NAALAD2: variants seen among roughly 807,000 people sequenced by gnomAD.
The protein encoded by NAALAD2 is N-acetylated-alpha-linked acidic dipeptidase 2.
NAALAD2 carries 89 observed loss-of-function variants against 95.6 expected under a neutral mutation model. The ratio of observed to expected loss-of-function variants is 0.93; its 90% CI spans 0.78 to 1.11. The LOEUF is 1.11. Among genes scored for constraint, NAALAD2 ranks in the 50% least tolerant of loss-of-function variants. The pLI, the probability that NAALAD2 is intolerant of heterozygous loss-of-function variation, is 0.00. For synonymous variants in NAALAD2, 264 were observed against 294.4 expected (o/e 0.90, Z 1.06); for missense variants, 894 against 872.4 (o/e 1.02, Z -0.31).
intron 18 of NAALAD2, among the ~76,000 whole-genome samples, chr11:90,190,744 T>C (rs1250930791): frequency 1.3e-5 from 2 of 152,138 alleles, no homozygotes; most frequent in Non-Finnish European, 2.9e-5. Context: ...CTTTGGTAAA[T>C]CTGAATGATG....
chr11:90,147,433 T>A lies in NAALAD2; in HGVS notation c.298T>A (p.Leu100Met). ...GAAATTTGGACTAGATTCAGCCAAG[T>A]TGGTTCATTATGATGTCCTCTTATC... Reference protein sequence around the residue: ...WKKFGLDSAKLVHYDVLLSYP... With the variant: ...WKKFGLDSAKMVHYDVLLSYP... The change falls in exon 3 of 19, where the codon TTG (leucine) becomes ATG (methionine). Residue 100 changes from leucine to methionine, a missense_variant. Transcript: ENST00000534061. 6.2e-7 allele frequency: 1 copy of A among 1,614,046 alleles called. No individual in the cohort carries two copies. The highest frequency in any genetic ancestry group is 1.3e-5 in the African/African-American group (1 of 75,036).
intron 6 of NAALAD2, among the ~76,000 whole-genome samples, chr11:90,155,713 T>C (rs550174337): frequency 2.2e-5 from 1 of 46,034 alleles, no homozygotes; most frequent in East Asian, 6.0e-4. Context: ...ATTATTATTG[T>C]ATGTATGTAA....
intron 5 of NAALAD2, among the ~76,000 whole-genome samples, chr11:90,151,472 T>G (rs1160416679): frequency 2.6e-5 from 4 of 152,184 alleles, no homozygotes; most frequent in Non-Finnish European, 1.5e-5. Context: ...GTGAACATCT[T>G]TGTCCATATA....
chr11:90,151,816 C>T (rs1414607645), intron 5 of NAALAD2, among the ~76,000 whole-genome samples: 1 of 152,092 alleles, frequency 6.6e-6, no homozygotes, highest in Non-Finnish European at 1.5e-5. Context: ...AATATGACTG[C>T]TCTGCATACA....
chr11:90,150,776 A>G (rs987021890), intron 5 of NAALAD2, among the ~76,000 whole-genome samples, 169 bp downstream of exon 5: 1 of 151,704 alleles, frequency 6.6e-6, no homozygotes, highest in Non-Finnish European at 1.5e-5. Flanking sequence ...GTTTTCTTAC[A>G]TACCTGGAAA....
chr11:90,174,039 G>T (rs1952714853), intron 14 of NAALAD2, 124 bp downstream of exon 14: 2 of 755,822 alleles, frequency 2.6e-6, no homozygotes, highest in Non-Finnish European at 4.4e-6. Flanking sequence ...AAAAGATAAT[G>T]AAGAATTCCT....
intron 6 of NAALAD2, among the ~76,000 whole-genome samples, chr11:90,154,233 C>A (rs1423317061): frequency 2.6e-5 from 4 of 151,908 alleles, no homozygotes; most frequent in African/African-American, 9.7e-5. Flanking sequence ...TCTGTTCCAA[C>A]AGGGAAAGTA....
At chr11:90,155,578 T>G (rs1449683094) in intron 6 of NAALAD2, among the ~76,000 whole-genome samples, 1 of 83,398 alleles carries the variant, frequency 1.2e-5, no homozygotes, top group Non-Finnish European at 2.0e-5. Flanking sequence ...ATATATAATA[T>G]ATATGTAATA....
chr11:90,150,632 A>G lies in NAALAD2; in HGVS notation c.609+25A>G, dbSNP rs200275031. On this transcript the variant is annotated intron_variant, in intron 5 of 18. Coordinates refer to ENST00000534061, the MANE Select transcript of NAALAD2 (RefSeq NM_005467.4). Reference sequence around the variant, plus strand: ...AGTACAGTATTATTTGTTTTTCTACAGAGAATGAGAGGATATATATATTCT... The same window carrying G: ...AGTACAGTATTATTTGTTTTTCTACGGAGAATGAGAGGATATATATATTCT... 475 of 1,554,760 alleles carry G rather than the reference A, an allele frequency of 3.1e-4. 2 individuals carry two copies. In the African/African-American group the frequency reaches 6.1e-3, roughly 20 times the overall value.
At chr11:90,155,103 A>G (rs940396220) in intron 6 of NAALAD2, among the ~76,000 whole-genome samples, 1 of 121,830 alleles carries the variant, frequency 8.2e-6, no homozygotes, top group Non-Finnish European at 1.5e-5. Context: ...ATACGTATAC[A>G]TATGTATATA....
chr11:90,156,827 C>T lies in NAALAD2; in HGVS notation c.797-1318C>T, dbSNP rs182381962. Among the ~76,000 whole-genome samples, 370 of 152,170 alleles carry T rather than the reference C, an allele frequency of 2.4e-3. 1 individual carries two copies. Among genetic ancestry groups the T allele is most frequent in the Non-Finnish European group, 3.1e-3 (213 of 67,992 alleles). Reference sequence around the variant, plus strand: ...TGAGTGTTTTTATTTTTATTTGGTTCCAAATACTTTCTGATTTCCCTTTTC... The same window carrying T: ...TGAGTGTTTTTATTTTTATTTGGTTTCAAATACTTTCTGATTTCCCTTTTC... On this transcript the variant is annotated intron_variant, in intron 6 of 18. Transcript: ENST00000534061.
intron 6 of NAALAD2, 63 bp from the exon 7 acceptor site, chr11:90,158,082 T>C: frequency 2.5e-6 from 3 of 1,221,114 alleles, no homozygotes; most frequent in Non-Finnish European, 3.6e-6. Flanking sequence ...ATGCAAAAAA[T>C]CCCTGTATAT....
intron 18 of NAALAD2, among the ~76,000 whole-genome samples, chr11:90,187,242 A>G (rs1305382727): frequency 6.6e-6 from 1 of 151,432 alleles, no homozygotes; most frequent in Non-Finnish European, 1.5e-5. Context: ...AACTAGTTCA[A>G]CCATTGTGGA....
chr11:90,182,406 A>G (rs1953000193), intron 17 of NAALAD2, among the ~76,000 whole-genome samples: 1 of 152,124 alleles, frequency 6.6e-6, no homozygotes, highest in African/African-American at 2.4e-5. Context: ...AGGGGAGCCC[A>G]GGGAACTTAC....
At chr11:90,172,290 G>T (rs1952665045) in intron 13 of NAALAD2, among the ~76,000 whole-genome samples, 1 of 152,104 alleles carries the variant, frequency 6.6e-6, no homozygotes, top group African/African-American at 2.4e-5. Context: ...CTAAGCTGTG[G>T]ACCCTCTATG....
chr11:90,163,692 C>A (rs549219589), intron 11 of NAALAD2, 75 bp downstream of exon 11: 1 of 1,287,254 alleles, frequency 7.8e-7, no homozygotes, highest in Admixed American at 1.7e-5. Flanking sequence ...TCAGGATGAT[C>A]AAAAATATAT....
Position 90,147,378 on chromosome 11 carries a change from G to A in NAALAD2, c.243G>A (p.Leu81=). 1.2e-6 allele frequency: 2 copies of A among 1,613,906 alleles called. No homozygotes were observed. The highest frequency in any genetic ancestry group is 1.7e-6 in the Non-Finnish European group (2 of 1,179,960). ...PHLAGTEQNF[L]LAKKIQTQWK... is the part of the protein sequence containing the mutation. ...TGGCAGGAACAGAACAAAATTTCTT[G>A]CTTGCCAAGAAAATCCAAACCCAGT... Residue 81 remains leucine, a synonymous_variant, in exon 3 of 19, where the codon TTG becomes TTA. Coordinates refer to ENST00000534061, the MANE Select transcript of NAALAD2 (RefSeq NM_005467.4).
chr11:90,169,248 T>C, intron 12 of NAALAD2: 1 of 302,384 alleles, frequency 3.3e-6, no homozygotes, highest in Non-Finnish European at 6.0e-6. Context: ...ATATATTTAC[T>C]ATTTGTTTAT....
Position 90,134,717 on chromosome 11 carries a change from C to G in NAALAD2, c.-42C>G. ...TCTGTTTCTCTGCAGCCCCGAAGCT[C>G]GCGAATGTAGCAGGCGCCCCAAGCT... is the stretch of plus-strand genomic sequence containing the variant. On this transcript the variant is annotated 5_prime_UTR_variant, in exon 1 of 19. Transcript: ENST00000534061. 1 of 1,598,814 alleles carries G rather than the reference C, an allele frequency of 6.3e-7. No individual in the cohort carries two copies. Among genetic ancestry groups the G allele is most frequent in the Non-Finnish European group, 8.6e-7 (1 of 1,167,572 alleles).
Sources: allele counts gnomAD v4.1 joint callset (sites outside exome capture counted in the v4.1 genomes callset), GRCh38; gene constraint gnomAD v4.1.1; transcripts MANE v1.5; gene names NCBI Gene and HGNC (gene_info 2026-07-23, HGNC 2026-07-21).